The following HMGCLL1 variants were observed in gnomAD, a reference collection of about 807,000 sequenced individuals.
HMGCLL1 encodes the protein 3-hydroxymethyl-3-methylglutaryl-CoA lyase, cytoplasmic.
Under a neutral mutation model 39.1 loss-of-function variants are expected in HMGCLL1, and 36 were observed. The observed-to-expected ratio is 0.92, with a 90% CI of 0.71 to 1.22. The LOEUF is 1.22. HMGCLL1 is among the 50% of genes most tolerant of loss of function. HMGCLL1 has a pLI of 0.00. For missense variants in HMGCLL1, 451 were observed against 416.5 expected, an observed-to-expected ratio of 1.08 and a Z score of -0.72; for synonymous variants, 149 against 144.0, an observed-to-expected ratio of 1.03 and a Z score of -0.25.
At chr6:55,675,969 G>T in the HMGCLL1 span, among the ~76,000 whole-genome samples, 4 of 152,068 alleles carry the variant, frequency 2.6e-5, no homozygotes, top group African/African-American at 9.7e-5. Context: ...TCAAAGCTCT[G>T]AGCTGCAATG....
the HMGCLL1 span, among the ~76,000 whole-genome samples, chr6:55,613,168 T>C: frequency 6.6e-6 from 1 of 152,100 alleles, no homozygotes; most frequent in Admixed American, 6.6e-5. Flanking sequence ...AGAAGACATT[T>C]ATGCAGCCAA....
intron 3 of HMGCLL1, among the ~76,000 whole-genome samples, chr6:55,540,740 C>T (rs1769385295): frequency 6.6e-6 from 1 of 152,088 alleles, no homozygotes; most frequent in Non-Finnish European, 1.5e-5. Context: ...GCAGGGTGGA[C>T]AATGAGTTTG....
At chr6:55,665,231 T>C in the HMGCLL1 span, among the ~76,000 whole-genome samples, 4 of 151,698 alleles carry the variant, frequency 2.6e-5, no homozygotes, top group African/African-American at 9.7e-5. Flanking sequence ...AGGGGCAAAC[T>C]TTTTGTTGTT....
At chr6:55,660,316 G>A in the HMGCLL1 span, among the ~76,000 whole-genome samples, 2 of 151,516 alleles carry the variant, frequency 1.3e-5, no homozygotes, top group Non-Finnish European at 3.0e-5. Flanking sequence ...TTTGTCACCC[G>A]GGTACTAAGC....
chr6:55,655,610 ACCACCCTAACATATTGAATGAAATAT>A, the HMGCLL1 span, among the ~76,000 whole-genome samples: 1 of 151,788 alleles, frequency 6.6e-6, no homozygotes, highest in Non-Finnish European at 1.5e-5. Context: ...CCTTACAAAT[ACCACCCTAACATATTGAATGAAATAT>A]GTATGGACTC....
At chr6:55,639,479 C>G in the HMGCLL1 span, among the ~76,000 whole-genome samples, 1 of 151,124 alleles carries the variant, frequency 6.6e-6, no homozygotes, top group African/African-American at 2.4e-5. Context: ...CTTTCTGGAG[C>G]TAAAATTCCA....
At chr6:55,616,339 G>A in the HMGCLL1 span, among the ~76,000 whole-genome samples, 9 of 152,002 alleles carry the variant, frequency 5.9e-5, no homozygotes, top group Non-Finnish European at 1.3e-4. Context: ...CTAACCTGCT[G>A]GACAAGGAGA....
At chr6:55,496,478 T>C (rs1766583554) in intron 6 of HMGCLL1, among the ~76,000 whole-genome samples, 1 of 152,150 alleles carries the variant, frequency 6.6e-6, no homozygotes, top group African/African-American at 2.4e-5. Context: ...CTGTTGCTAT[T>C]CCAGTGAGCT....
intron 7 of HMGCLL1, among the ~76,000 whole-genome samples, chr6:55,485,694 A>G (rs946594619): frequency 1.3e-5 from 2 of 152,138 alleles, no homozygotes; most frequent in Non-Finnish European, 2.9e-5. Flanking sequence ...AACATATGAA[A>G]GAACTGTTCA....
At chr6:55,444,062 G>C (rs1581786453) in intron 7 of HMGCLL1, among the ~76,000 whole-genome samples, 1 of 152,094 alleles carries the variant, frequency 6.6e-6, no homozygotes, top group African/African-American at 2.4e-5. Flanking sequence ...GATAGTATCA[G>C]TTTGTGAAAA....
chr6:55,458,482 C>G (rs535184280), intron 7 of HMGCLL1, among the ~76,000 whole-genome samples: 1 of 152,050 alleles, frequency 6.6e-6, no homozygotes, highest in African/African-American at 2.4e-5. Context: ...GAAACCTGAA[C>G]GAAGTGGGAG....
At chr6:55,543,662 A>C (rs1301490152) in intron 1 of HMGCLL1, among the ~76,000 whole-genome samples, 1 of 147,984 alleles carries the variant, frequency 6.8e-6, no homozygotes, top group East Asian at 2.0e-4. Context: ...GAGACCAGCC[A>C]GGGCAACATA....
At chr6:55,490,274 C>T (rs1313069305) in intron 7 of HMGCLL1, among the ~76,000 whole-genome samples, 2 of 152,098 alleles carry the variant, frequency 1.3e-5, no homozygotes, top group Admixed American at 6.6e-5. Flanking sequence ...TGTGCCTACC[C>T]TTTTATCCTA....
rs7739356 is a variant in HMGCLL1 at position 55,434,490 on chromosome 6, C to T, written c.*1172G>A. The T allele has an allele frequency of 5.9e-5, 9 of 152,032 alleles. No individual in the cohort carries two copies. The highest frequency in any genetic ancestry group is 9.6e-5 in the African/African-American group (4 of 41,498). The allele number at this position is 152,032 out of a possible 1,614,324, so 9.4% of individuals were successfully genotyped here. A position where few individuals can be genotyped will look rare whatever the true frequency, so the allele number is the denominator to read the frequency against. ...AAATTTACTCAAAGATAATATCACC[C>T]GGTATTATTAGAGAAGTCTCTCTAA... On this transcript the variant is annotated 3_prime_UTR_variant, in exon 9 of 9. Coordinates refer to ENST00000274901, the MANE Select transcript of HMGCLL1 (RefSeq NM_001042406.2).
the HMGCLL1 span, among the ~76,000 whole-genome samples, chr6:55,647,355 C>T: frequency 1.3e-5 from 2 of 151,836 alleles, no homozygotes; most frequent in South Asian, 2.1e-4. Context: ...CATTCAGGCA[C>T]TCTATGTCTT....
At chr6:55,437,584 T>C (rs1763422740) in intron 8 of HMGCLL1, among the ~76,000 whole-genome samples, 1 of 152,002 alleles carries the variant, frequency 6.6e-6, no homozygotes, top group African/African-American at 2.4e-5. Context: ...ATGGCGTATA[T>C]GGATAAAGGC....
the HMGCLL1 span, among the ~76,000 whole-genome samples, chr6:55,673,285 G>A: frequency 6.6e-6 from 1 of 151,886 alleles, no homozygotes. Flanking sequence ...TTGTCTAGAA[G>A]CAAAGTAAGC....
the HMGCLL1 span, among the ~76,000 whole-genome samples, chr6:55,593,531 T>G: frequency 6.6e-6 from 1 of 152,186 alleles, no homozygotes; most frequent in Admixed American, 6.6e-5. Flanking sequence ...CACAGCATAA[T>G]TTATAAGGCT....
chr6:55,501,633 G>A (rs982726546), intron 5 of HMGCLL1, among the ~76,000 whole-genome samples: 1 of 151,844 alleles, frequency 6.6e-6, no homozygotes, highest in Non-Finnish European at 1.5e-5. Context: ...TGGCTGCACA[G>A]AATCACCTTG....
Sources: allele counts gnomAD v4.1 joint callset (sites outside exome capture counted in the v4.1 genomes callset), GRCh38; gene constraint gnomAD v4.1.1; transcripts MANE v1.5; gene names NCBI Gene and HGNC (gene_info 2026-07-23, HGNC 2026-07-21).